CCDC88C: variants seen among roughly 807,000 people sequenced by gnomAD.
The protein encoded by CCDC88C is coiled-coil and HOOK domain protein 88C.
In CCDC88C, 131 loss-of-function variants were observed where a neutral mutation model predicts 198.8. The ratio of observed to expected loss-of-function variants is 0.66; its 90% CI spans 0.57 to 0.76. CCDC88C has a LOEUF of 0.76. CCDC88C is among the 30% of genes least tolerant of loss of function. The pLI, the probability that CCDC88C is intolerant of heterozygous loss-of-function variation, is 0.00. For missense variants in CCDC88C, 2,553 were observed against 2,631.6 expected (o/e 0.97, Z 0.65); for synonymous variants, 1,166 against 1,114.7 (o/e 1.05, Z -0.92).
rs576984575 is a variant in CCDC88C, at chr14:91,288,179, C to T, written c.4441+926G>A. On this transcript the variant is annotated intron_variant, in intron 25 of 29. Coordinates refer to ENST00000389857, the MANE Select transcript of CCDC88C (RefSeq NM_001080414.4). The surrounding 1 kb of genome is among the most constrained non-coding windows in gnomAD (Gnocchi z 4.2). Reference sequence around the variant, plus strand: ...GTGGCCCTGTACCGTTTGATTGCCTCGTGGTATATAAAGTAACTGTGCAGC... The same window carrying T: ...GTGGCCCTGTACCGTTTGATTGCCTTGTGGTATATAAAGTAACTGTGCAGC... Among the ~76,000 whole-genome samples, 6 of 152,270 alleles carry T rather than the reference C, an allele frequency of 3.9e-5. No individual in the cohort carries two copies. Among genetic ancestry groups the T allele is most frequent in the East Asian group, 1.9e-4 (1 of 5,190 alleles).
At position 91,339,456 on chromosome 14, in the gene CCDC88C, C is replaced by T. The variant is rs757210265; in HGVS notation, c.631G>A (p.Val211Met). ...DQRDECTELIVDLTQERDYLQ... is the reference protein window; with the variant it reads ...DQRDECTELIMDLTQERDYLQ... ...TAGTCCCGTTCCTGAGTGAGGTCCACGATCAGCTGCAGCCGGGCAGAGAGG... is the reference window on the plus strand; with the variant it reads ...TAGTCCCGTTCCTGAGTGAGGTCCATGATCAGCTGCAGCCGGGCAGAGAGG... The change falls in exon 8 of 30, where the codon GTG becomes ATG. Residue 211 changes from valine (V) to methionine (M), a missense_variant. Around this residue, in one of 2 missense-constraint regions of CCDC88C, gnomAD observed 1,260 missense variants for 1,412.0 expected, o/e 0.89. Coordinates refer to ENST00000389857, the MANE Select transcript of CCDC88C (RefSeq NM_001080414.4). The surrounding 1 kb of genome is among the most constrained non-coding windows in gnomAD (Gnocchi z 5.8). 3.7e-6 allele frequency: 6 copies of T among 1,603,190 alleles called. No homozygotes were observed. The highest frequency in any genetic ancestry group is 3.4e-5 in the Admixed American group (2 of 59,642).
intron 2 of CCDC88C, among the ~76,000 whole-genome samples, chr14:91,409,351 A>T (rs1886682538): frequency 2.7e-5 from 4 of 150,934 alleles, no homozygotes; most frequent in South Asian, 4.2e-4. Flanking sequence ...ATTTTTTTTT[A>T]ATTTTTTTTA....
intron 3 of CCDC88C, among the ~76,000 whole-genome samples, chr14:91,375,294 A>C (rs1884333686): frequency 6.6e-6 from 1 of 152,144 alleles, no homozygotes; most frequent in African/African-American, 2.4e-5. Flanking sequence ...TGTGGGAGAG[A>C]GAGAGACAGG....
Position 91,352,720 on chromosome 14 carries a change from A to G in CCDC88C, c.340+6922T>C, listed in dbSNP as rs1893869857. ...GAAATAAAATAAAAACAACAGGGGT[A>G]GGGGAAAAGAACACAAGAATGGCTC... On this transcript the variant is annotated intron_variant, in intron 4 of 29. Coordinates refer to ENST00000389857, the MANE Select transcript of CCDC88C (RefSeq NM_001080414.4). This position sits in a 1 kb window ranked among gnomAD's most constrained non-coding sequence, Gnocchi z 4.2. Among the ~76,000 whole-genome samples, 1 of 152,234 alleles carries G rather than the reference A, an allele frequency of 6.6e-6. No individual in the cohort carries two copies. The highest frequency in any genetic ancestry group is 6.5e-5 in the Admixed American group (1 of 15,292).
chr14:91,343,714 A>T, intron 4 of CCDC88C, 57 bp from the exon 5 acceptor site: 2 of 1,607,142 alleles, frequency 1.2e-6, no homozygotes, highest in Non-Finnish European at 1.7e-6. Flanking sequence ...AATTTCAGTG[A>T]CATGTTTACC....
chr14:91,399,762 C>A (rs780823116), intron 3 of CCDC88C, among the ~76,000 whole-genome samples: 1 of 151,092 alleles, frequency 6.6e-6, no homozygotes, highest in South Asian at 2.1e-4. Flanking sequence ...TCATGTGAAC[C>A]CAGGAGGCAG....
chr14:91,339,757 G>C lies in CCDC88C; in HGVS notation c.624+127C>G. 8.5e-7 allele frequency: 1 copy of C among 1,174,650 alleles called. No homozygotes were observed. Among genetic ancestry groups the C allele is most frequent in the South Asian group, 1.6e-5 (1 of 62,128 alleles). 72.8% of individuals were successfully genotyped at this position (1,174,650 alleles called of 1,614,324 possible). A position where few individuals can be genotyped will look rare whatever the true frequency, so the allele number is the denominator to read the frequency against. On this transcript the variant is annotated intron_variant, in intron 7 of 29. Transcript: ENST00000389857. The surrounding 1 kb of genome is among the most constrained non-coding windows in gnomAD (Gnocchi z 5.8). ...CAGGGGCCGTAACCAGGGAAAGCAC[G>C]CACGTCCCACCCCCACCAGAACCTC...
At chr14:91,383,873 T>G (rs1412106197) in intron 3 of CCDC88C, among the ~76,000 whole-genome samples, 1 of 152,194 alleles carries the variant, frequency 6.6e-6, no homozygotes, top group African/African-American at 2.4e-5. Flanking sequence ...AACAAATTTA[T>G]CTGTATGTAA....
chr14:91,302,715 A>G (rs1367506188), intron 20 of CCDC88C, among the ~76,000 whole-genome samples: 5 of 152,234 alleles, frequency 3.3e-5, no homozygotes, highest in Admixed American at 2.0e-4. Context: ...TGCATACACA[A>G]GAGTTTCACT....
Position 91,342,372 on chromosome 14 carries a change from G to A in CCDC88C, c.483+8C>T, listed in dbSNP as rs201193446. Reference sequence around the variant, plus strand: ...ACAGCTGAGCCCACCACGAGGCCACGCACCTACCTCCTGGATATGGGCCAC... The same window carrying A: ...ACAGCTGAGCCCACCACGAGGCCACACACCTACCTCCTGGATATGGGCCAC... On this transcript the variant is annotated splice_region_variant and intron_variant, in intron 6 of 29. Coordinates refer to ENST00000389857, the MANE Select transcript of CCDC88C (RefSeq NM_001080414.4). The A allele has an allele frequency of 1.4e-3, 2,225 of 1,569,610 alleles. 4 individuals carry two copies. The highest frequency in any genetic ancestry group is 1.8e-3 in the Non-Finnish European group (2,077 of 1,152,704).
chr14:91,375,867 G>A (rs946959354), intron 3 of CCDC88C, among the ~76,000 whole-genome samples: 16 of 152,212 alleles, frequency 1.1e-4, no homozygotes, highest in African/African-American at 2.9e-4. Flanking sequence ...ATCTTCTTGC[G>A]TTCAATGGGG....
At chr14:91,345,186 ATATATTTTTTT>A (rs1285120710) in intron 4 of CCDC88C, among the ~76,000 whole-genome samples, 1 of 72,482 alleles carries the variant, frequency 1.4e-5, no homozygotes, top group Non-Finnish European at 2.7e-5. Flanking sequence ...ATATATATAT[ATATATTTTTTT>A]TTTTTTTTTT....
chr14:91,379,741 C>G, intron 3 of CCDC88C: 1 of 678,580 alleles, frequency 1.5e-6, no homozygotes, highest in East Asian at 2.7e-5. Flanking sequence ...CATGGCCAGG[C>G]CTGGCAGCCA....
chr14:91,296,473 G>C (rs757194391), intron 22 of CCDC88C, among the ~76,000 whole-genome samples: 19 of 152,222 alleles, frequency 1.2e-4, no homozygotes, highest in Non-Finnish European at 2.5e-4. Flanking sequence ...GCCCCTGGGG[G>C]CGAGGATTCC....
At chr14:91,298,252 T>C (rs1004812238) in intron 21 of CCDC88C, among the ~76,000 whole-genome samples, 1 of 152,008 alleles carries the variant, frequency 6.6e-6, no homozygotes, top group African/African-American at 2.4e-5. Context: ...GGCGACATAG[T>C]GAGACCCCCA....
At chr14:91,332,589 G>A (rs892852715) in intron 10 of CCDC88C, among the ~76,000 whole-genome samples, 3 of 152,154 alleles carry the variant, frequency 2.0e-5, no homozygotes, top group Non-Finnish European at 2.9e-5. Flanking sequence ...TGTGCTTTAC[G>A]GGTTAGACGG....
chr14:91,326,189 G>C (rs1179115358), intron 10 of CCDC88C, 133 bp from the exon 11 acceptor site: 3 of 710,398 alleles, frequency 4.2e-6, no homozygotes, highest in Non-Finnish European at 6.7e-6. Context: ...GAGGCAGGAA[G>C]TTTTTCCTCT....
chr14:91,321,062 G>A, intron 13 of CCDC88C, 58 bp downstream of exon 13: 1 of 1,478,726 alleles, frequency 6.8e-7, no homozygotes, highest in Non-Finnish European at 9.1e-7. Flanking sequence ...CACTGGGGAG[G>A]ATGGGAGGGT....
Position 91,273,546 on chromosome 14 carries a change from G to T in CCDC88C, c.5166C>A (p.Ala1722=). 6.6e-7 allele frequency: 1 copy of T among 1,512,304 alleles called. No individual in the cohort carries two copies. Among genetic ancestry groups the T allele is most frequent in the South Asian group, 1.3e-5 (1 of 75,408 alleles). 93.7% of individuals were successfully genotyped at this position (1,512,304 alleles called of 1,614,324 possible). Residue 1722 remains alanine (A), a synonymous_variant, in exon 30 of 30, where the codon GCC becomes GCA. Coordinates refer to ENST00000389857, the MANE Select transcript of CCDC88C (RefSeq NM_001080414.4). The surrounding 1 kb of genome is among the most constrained non-coding windows in gnomAD (Gnocchi z 5.6). The stretch of plus-strand genomic sequence containing the variant: ...GGGCCACAAAGTTGGTGGGCATCTT[G>T]GCCCCTTCTTTCTTGGCAGGTGGTC... ...QPGPPAKKEG[A]KMPTNFVAPT...
Sources: gnomAD v4.1 joint callset for allele counts (sites outside exome capture counted in the v4.1 genomes callset) on GRCh38, gnomAD v4.1.1 for gene constraint, gnomAD v4.1.1 regional missense constraint, Gnocchi (gnomAD v3.1) non-coding constraint, MANE v1.5 for transcripts, NCBI Gene and HGNC (gene_info 2026-07-23, HGNC 2026-07-21) for gene names.